The following BNC2 variants were observed in gnomAD, a reference collection of about 807,000 sequenced individuals.
BNC2 encodes zinc finger protein basonuclin-2.
In BNC2, 20 loss-of-function variants were observed where a neutral mutation model predicts 76.3. The ratio of observed to expected loss-of-function variants is 0.26; its 90% confidence interval spans 0.18 to 0.38. The LOEUF (loss-of-function observed/expected upper bound fraction) is 0.38, where lower values mean the gene tolerates loss of function less well. Among genes scored for constraint, BNC2 ranks in the 10% least tolerant of loss-of-function variants. BNC2 has a pLI of 1.00. For missense variants in BNC2, 1,382 were observed against 1,399.8 expected (o/e 0.99, Z 0.20); for synonymous variants, 582 against 514.8 (o/e 1.13, Z -1.77).
intron 3 of BNC2, among the ~76,000 whole-genome samples, chr9:16,599,408 C>T (rs1161933720): frequency 2.0e-5 from 3 of 152,206 alleles, no homozygotes; most frequent in Middle Eastern, 3.2e-3. Flanking sequence ...GGTACAAAAA[C>T]GTGTCATAAC....
At chr9:16,859,011 A>G (rs1819331861) in intron 1 of BNC2, among the ~76,000 whole-genome samples, 1 of 152,166 alleles carries the variant, frequency 6.6e-6, no homozygotes, top group Non-Finnish European at 1.5e-5. Flanking sequence ...AACAACAACA[A>G]AAAAAGCCTG....
chr9:16,680,696 T>TA (rs537286320), intron 3 of BNC2, among the ~76,000 whole-genome samples: 48 of 151,214 alleles, frequency 3.2e-4, no homozygotes, highest in South Asian at 1.3e-3. Flanking sequence ...ACATGAGCTA[T>TA]AAGGGCATTT....
chr9:16,739,813 C>G (rs769415855), intron 1 of BNC2, among the ~76,000 whole-genome samples: 6 of 151,986 alleles, frequency 3.9e-5, no homozygotes, highest in Non-Finnish European at 7.4e-5. Flanking sequence ...AACAATGACA[C>G]TAAAGTTCTA....
intron 1 of BNC2, among the ~76,000 whole-genome samples, chr9:16,770,462 T>C (rs577894526): frequency 9.9e-5 from 15 of 152,142 alleles, no homozygotes; most frequent in Non-Finnish European, 1.5e-4. Context: ...AAGAACTCAA[T>C]TGACAGGCTT....
At chr9:16,662,485 C>T (rs1344680775) in intron 3 of BNC2, among the ~76,000 whole-genome samples, 1 of 152,164 alleles carries the variant, frequency 6.6e-6, no homozygotes, top group African/African-American at 2.4e-5. Context: ...TCTGTAATTC[C>T]AGCACTTTGG....
Position 16,444,278 on chromosome 9 carries a change from T to C in BNC2, c.670-6754A>G, listed in dbSNP as rs569413669. ...GTTTAGAAACAGCTTTACATATATA[T>C]AAATGGGGGTACATGCTCACAAATT... is the stretch of plus-strand genomic sequence containing the variant. On this transcript the variant is annotated intron_variant, in intron 5 of 6. Transcript: ENST00000380672. Among the ~76,000 whole-genome samples the C allele has an allele frequency of 9.8e-4, 149 of 152,246 alleles. 1 individual carries two copies. Among genetic ancestry groups the C allele is most frequent in the African/African-American group, 3.5e-3 (144 of 41,552 alleles).
chr9:16,502,386 G>T (rs1178198652), intron 5 of BNC2, among the ~76,000 whole-genome samples: 2 of 152,032 alleles, frequency 1.3e-5, no homozygotes, highest in African/African-American at 4.8e-5. Context: ...TTTGAATATA[G>T]GATTGGGTTA....
At chr9:16,503,898 G>T (rs1822572384) in intron 5 of BNC2, among the ~76,000 whole-genome samples, 1 of 152,040 alleles carries the variant, frequency 6.6e-6, no homozygotes, top group Admixed American at 6.6e-5. Flanking sequence ...CATATTTATG[G>T]TGATAGTTAT....
At chr9:16,677,101 T>C (rs1174142774) in intron 3 of BNC2, among the ~76,000 whole-genome samples, 1 of 152,214 alleles carries the variant, frequency 6.6e-6, no homozygotes, top group Non-Finnish European at 1.5e-5. Context: ...CTAATTTTTA[T>C]GTGCTTGGCC....
intron 5 of BNC2, among the ~76,000 whole-genome samples, chr9:16,440,443 C>A (rs537016093): frequency 2.0e-5 from 3 of 152,284 alleles, no homozygotes; most frequent in African/African-American, 7.2e-5. Context: ...TTTTACAGAG[C>A]CTTTCACTAC....
chr9:16,863,500 G>C (rs1217756304), intron 1 of BNC2, among the ~76,000 whole-genome samples: 2 of 152,094 alleles, frequency 1.3e-5, no homozygotes, highest in Non-Finnish European at 2.9e-5. Flanking sequence ...TTCGGGACCA[G>C]CCTGGACAAC....
chr9:16,566,783 G>A (rs547304267), intron 4 of BNC2, among the ~76,000 whole-genome samples: 7 of 152,160 alleles, frequency 4.6e-5, no homozygotes, highest in Non-Finnish European at 8.8e-5. Flanking sequence ...TAGTCACACA[G>A]TAAGACTGTA....
In BNC2 at chr9:16,410,160, A is replaced by G. The variant is rs945423628; in HGVS notation, c.*8829T>C. The G allele has an allele frequency of 6.6e-6, 1 of 152,228 alleles. No individual in the cohort carries two copies. Among genetic ancestry groups the G allele is most frequent in the African/African-American group, 2.4e-5 (1 of 41,450 alleles). 9.4% of individuals were successfully genotyped at this position (152,228 alleles called of 1,614,324 possible). A position where few individuals can be genotyped will look rare whatever the true frequency, so the allele number is the denominator to read the frequency against. ...GTTCTAAAAGGCCTAGTCCATCACC[A>G]GCAGGAGAGAACAGAGAACTGGCTT... On this transcript the variant is annotated 3_prime_UTR_variant, in exon 7 of 7. Transcript: ENST00000380672.
At position 16,678,261 on chromosome 9, in the gene BNC2, C is replaced by CTTTCTCTT. The variant is rs1473647913; in HGVS notation, c.330+49535_330+49536insAAGAGAAA. ...ACCATAACTTGTAACTGTTTTCTTT[C>CTTTCTCTT]TTTTTCTTTTTTTTTTTTTTTTTTT... is the stretch of plus-strand genomic sequence containing the variant. On this transcript the variant is annotated intron_variant, in intron 3 of 6. Transcript: ENST00000380672. Among the ~76,000 whole-genome samples the CTTTCTCTT allele has an allele frequency of 5.1e-4, 39 of 75,884 alleles. 2 individuals are homozygous for CTTTCTCTT. Among genetic ancestry groups the CTTTCTCTT allele is most frequent in the East Asian group, 3.8e-3 (6 of 1,562 alleles). The allele number at this position is 75,884 out of a possible 152,430, so 49.8% of individuals were successfully genotyped here.
chr9:16,470,969 G>A (rs1052062528), intron 5 of BNC2, among the ~76,000 whole-genome samples: 1 of 152,150 alleles, frequency 6.6e-6, no homozygotes, highest in Admixed American at 6.5e-5. Flanking sequence ...CCGACAACTT[G>A]TACTATGCAC....
chr9:16,705,178 G>A, intron 3 of BNC2: 1 of 108,788 alleles, frequency 9.2e-6, no homozygotes, highest in Non-Finnish European at 1.8e-5. Context: ...CACTCCCCTG[G>A]AGGGCTAAAT....
At chr9:16,868,608 G>A (rs915192421) in intron 1 of BNC2, among the ~76,000 whole-genome samples, 1 of 152,136 alleles carries the variant, frequency 6.6e-6, no homozygotes, top group African/African-American at 2.4e-5. Flanking sequence ...TCAAAACAAA[G>A]TTCAGGTTCA....
chr9:16,694,462 C>T (rs368068869), intron 3 of BNC2, among the ~76,000 whole-genome samples: 106 of 152,244 alleles, frequency 7.0e-4, no homozygotes, highest in African/African-American at 2.5e-3. Context: ...ATGCAAATTA[C>T]TCTGGACTAG....
At chr9:16,861,761 G>A (rs921262873) in intron 1 of BNC2, among the ~76,000 whole-genome samples, 12 of 152,302 alleles carry the variant, frequency 7.9e-5, no homozygotes, top group Admixed American at 4.6e-4. Flanking sequence ...AGGCCGAGGC[G>A]GGAGGATGAC....
Sources: allele counts gnomAD v4.1 joint callset (sites outside exome capture counted in the v4.1 genomes callset), GRCh38; gene constraint gnomAD v4.1.1; transcripts MANE v1.5; gene names NCBI Gene and HGNC (gene_info 2026-07-23, HGNC 2026-07-21).